Variants in MEGF6 observed in about 807,000 individuals in gnomAD.
The protein encoded by MEGF6 is multiple EGF like domains 6.
A neutral mutation model predicts 207.1 loss-of-function variants in MEGF6; 184 were observed. The ratio of observed to expected loss-of-function variants is 0.89; its 90% CI spans 0.79 to 1.00. MEGF6 has a LOEUF of 1.00. Ranked by LOEUF, MEGF6 falls within the 50% of genes least tolerant of loss-of-function variation. MEGF6 has a pLI of 0.00. For missense variants in MEGF6, 2,282 were observed against 2,202.9 expected (o/e 1.04, Z -0.72); for synonymous variants, 1,038 against 910.0 (o/e 1.14, Z -2.53).
Position 3,496,006 on chromosome 1 carries a change from C to G in MEGF6, c.3755G>C (p.Gly1252Ala). Reference sequence around the variant, plus strand: ...GTGGGTGCAGTTGGGGCCGAAGCGGCCCTGCGGACAGGCTGCCGGGGAGGA... The same window carrying G: ...GTGGGTGCAGTTGGGGCCGAAGCGGGCCTGCGGACAGGCTGCCGGGGAGGA... ...GTDCNLTCPQ[G>A]RFGPNCTHVC... is the part of the protein sequence containing the mutation. The change falls in exon 30 of 37, where the codon GGC becomes GCC. Residue 1252 changes from glycine (G) to alanine (A), a missense_variant. Gly to Ala is a moderately conservative substitution (Grantham distance 60). Coordinates refer to ENST00000356575, the MANE Select transcript of MEGF6 (RefSeq NM_001409.4). 1 of 1,532,780 alleles carries G rather than the reference C, an allele frequency of 6.5e-7. No homozygotes were observed. Among genetic ancestry groups the G allele is most frequent in the Non-Finnish European group, 8.7e-7 (1 of 1,147,244 alleles). 94.9% of individuals were successfully genotyped at this position (1,532,780 alleles called of 1,614,324 possible).
At chr1:3,549,888 C>G (rs373057574) in intron 4 of MEGF6, among the ~76,000 whole-genome samples, 2 of 152,190 alleles carry the variant, frequency 1.3e-5, no homozygotes, top group Non-Finnish European at 2.9e-5. Context: ...AGCACAGGCA[C>G]GGGTGGGCGG....
chr1:3,611,824 C>A (rs1003305596), upstream of MEGF6, among the ~76,000 whole-genome samples: 2 of 151,446 alleles, frequency 1.3e-5, no homozygotes, highest in East Asian at 3.9e-4. Flanking sequence ...GCTCCCTGCT[C>A]GTCTCATGCG....
intron 4 of MEGF6, among the ~76,000 whole-genome samples, chr1:3,549,070 C>A (rs1642804168): frequency 6.6e-6 from 1 of 152,192 alleles, no homozygotes; most frequent in Non-Finnish European, 1.5e-5. Flanking sequence ...GCCGCCTCCA[C>A]CCCAGGCCGG....
intron 7 of MEGF6, among the ~76,000 whole-genome samples, chr1:3,513,577 C>CT (rs757815891): frequency 0.025 from 1,419 of 56,568 alleles, 216 homozygotes; most frequent in Middle Eastern, 0.054. Flanking sequence ...CACACCTGGG[C>CT]TTTTTTTTTT....
chr1:3,563,259 G>C lies in MEGF6; in HGVS notation c.481+16566C>G, dbSNP rs148697472. Among the ~76,000 whole-genome samples the C allele has an allele frequency of 5.2e-3, 792 of 152,198 alleles. 6 individuals are homozygous for C. The highest frequency in any genetic ancestry group is 0.018 in the African/African-American group (766 of 41,514). On this transcript the variant is annotated intron_variant, in intron 4 of 36. Coordinates refer to ENST00000356575, the MANE Select transcript of MEGF6 (RefSeq NM_001409.4). ...TCCCGGGGTCCAAGCCCATCTCCCTGTCACTCACATATGGCCACGACGCTG... is the reference window on the plus strand; with the variant it reads ...TCCCGGGGTCCAAGCCCATCTCCCTCTCACTCACATATGGCCACGACGCTG...
At position 3,525,399 on chromosome 1, in the gene MEGF6, C is replaced by T. The variant is rs960880815; in HGVS notation, c.482-1153G>A. Among the ~76,000 whole-genome samples, 35 of 152,368 alleles carry T rather than the reference C, an allele frequency of 2.3e-4. 1 individual carries two copies. The East Asian group carries it at 3.9e-3, about 17-fold the overall frequency. On this transcript the variant is annotated intron_variant, in intron 4 of 36. Transcript: ENST00000356575. ...GTCCTGAGGCCTCTCCCCGCATCTG[C>T]GCTGCCTGGACTTCCACAGCCTGGG...
intron 3 of MEGF6, among the ~76,000 whole-genome samples, chr1:3,590,379 C>G (rs1035484551): frequency 1.6e-5 from 2 of 122,060 alleles, no homozygotes; most frequent in African/African-American, 5.6e-5. Flanking sequence ...TTCAGAGAAT[C>G]CATGAGCAGG....
intron 3 of MEGF6, among the ~76,000 whole-genome samples, chr1:3,593,192 C>A (rs1644006905): frequency 6.6e-6 from 1 of 152,166 alleles, no homozygotes; most frequent in Non-Finnish European, 1.5e-5. Flanking sequence ...CTAGGCCCTG[C>A]TGGGACCATC....
At chr1:3,569,427 G>A (rs781581556) in intron 4 of MEGF6, among the ~76,000 whole-genome samples, 18 of 152,246 alleles carry the variant, frequency 1.2e-4, no homozygotes, top group Non-Finnish European at 2.4e-4. Context: ...AAGTGGAACA[G>A]GCACAGCCCC....
At chr1:3,492,567 C>T (rs1640415969) in intron 35 of MEGF6, 72 bp downstream of exon 35, 2 of 1,582,666 alleles carry the variant, frequency 1.3e-6, no homozygotes, top group Admixed American at 1.7e-5. Flanking sequence ...GAGAGGGATC[C>T]TCTGCCAGGG....
intron 34 of MEGF6, 148 bp downstream of exon 34, chr1:3,493,623 C>G (rs1419489021): frequency 8.8e-7 from 1 of 1,142,174 alleles, no homozygotes; most frequent in East Asian, 2.6e-5. Flanking sequence ...TGACTCCAGC[C>G]CCCCCAGGGG....
intron 2 of MEGF6, among the ~76,000 whole-genome samples, chr1:3,601,940 T>G (rs1172947055): frequency 2.6e-5 from 4 of 152,086 alleles, no homozygotes; most frequent in African/African-American, 9.7e-5. Flanking sequence ...ACACGGAAAC[T>G]CTCCACCTGA....
At chr1:3,508,475 C>G in intron 13 of MEGF6, 83 bp downstream of exon 13, 3 of 1,516,912 alleles carry the variant, frequency 2.0e-6, no homozygotes, top group Admixed American at 4.0e-5. Context: ...AGGAGTAAAA[C>G]TGAATGGGCT....
chr1:3,598,693 G>A lies in MEGF6; in HGVS notation c.267-3246C>T, dbSNP rs1261984856. ...ACGCTGGGGAGCTGGTTCACGCAGG[G>A]CGGGGGTCGTCATGGTAACGAGCCC... On this transcript the variant is annotated intron_variant, in intron 2 of 36. Coordinates refer to ENST00000356575, the MANE Select transcript of MEGF6 (RefSeq NM_001409.4). Among the ~76,000 whole-genome samples the A allele has an allele frequency of 6.0e-5, 9 of 150,664 alleles. No homozygotes were observed. In the South Asian group the frequency reaches 8.4e-4, roughly 14 times the overall value.
the MEGF6 span, among the ~76,000 whole-genome samples, chr1:3,621,897 G>C: frequency 6.3e-3 from 959 of 152,322 alleles, 8 homozygotes; most frequent in African/African-American, 0.022. Flanking sequence ...GGGGCTTTTA[G>C]CCCCTTTGTT....
Position 3,489,169 on chromosome 1 carries a change from T to C in MEGF6, c.*1359A>G, listed in dbSNP as rs527597990. Reference sequence around the variant, plus strand: ...ATCCTGCCCTCCCTTATCACTGTTCTACTTTAAAGTCTCCCCACAGCGGTC... The same window carrying C: ...ATCCTGCCCTCCCTTATCACTGTTCCACTTTAAAGTCTCCCCACAGCGGTC... On this transcript the variant is annotated 3_prime_UTR_variant, in exon 37 of 37. Transcript: ENST00000356575. Among the ~76,000 whole-genome samples, 1 of 152,202 alleles carries C rather than the reference T, an allele frequency of 6.6e-6. No individual in the cohort carries two copies. Among genetic ancestry groups the C allele is most frequent in the South Asian group, 2.1e-4 (1 of 4,826 alleles).
chr1:3,529,947 C>T (rs4648520), intron 4 of MEGF6, among the ~76,000 whole-genome samples: 4,627 of 152,358 alleles, frequency 0.03, 127 homozygotes, highest in East Asian at 0.1. Context: ...ACACTTGCCA[C>T]GGGGTCCTCA....
At chr1:3,531,066 C>T (rs1047854550) in intron 4 of MEGF6, 1 of 1,513,778 alleles carries the variant, frequency 6.6e-7, no homozygotes, top group Non-Finnish European at 8.8e-7. Context: ...TGCCCAGGCT[C>T]GCCCGGCGCC....
intron 5 of MEGF6, among the ~76,000 whole-genome samples, chr1:3,516,735 C>A (rs2101101739): frequency 6.6e-6 from 1 of 152,284 alleles, no homozygotes; most frequent in East Asian, 1.9e-4. Context: ...AAGGCAAAGC[C>A]CCCTCAGAGC....
Sources: allele counts gnomAD v4.1 joint callset (sites outside exome capture counted in the v4.1 genomes callset), GRCh38; gene constraint gnomAD v4.1.1; transcripts MANE v1.5; gene names NCBI Gene and HGNC (gene_info 2026-07-23, HGNC 2026-07-21).